Variants in ERC2 observed in about 807,000 individuals in gnomAD.
ERC2 encodes the protein ELKS/RAB6-interacting/CAST family member 2.
A neutral mutation model predicts 114.8 loss-of-function variants in ERC2; 42 were observed. The ratio of observed to expected loss-of-function variants is 0.37; its 90% CI spans 0.29 to 0.47. ERC2 has a LOEUF of 0.47. ERC2 is among the 20% of genes least tolerant of loss of function. The pLI, the probability that ERC2 is intolerant of heterozygous loss-of-function variation, is 0.99. For synonymous variants in ERC2, 454 were observed against 425.5 expected (o/e 1.07, Z -0.82); for missense variants, 939 against 1,150.7 (o/e 0.82, Z 2.66).
chr3:55,930,992 T>C (rs2149402387), intron 13 of ERC2, among the ~76,000 whole-genome samples: 1 of 152,228 alleles, frequency 6.6e-6, no homozygotes. Flanking sequence ...CCAACAAGAA[T>C]ATTAAAAAAG....
intron 17 of ERC2, among the ~76,000 whole-genome samples, chr3:55,533,579 C>A (rs184964823): frequency 1.3e-5 from 2 of 152,290 alleles, no homozygotes; most frequent in African/African-American, 4.8e-5. Context: ...TAGAAGACTG[C>A]CAAGAAGAGA....
intron 14 of ERC2, among the ~76,000 whole-genome samples, chr3:55,850,833 T>C (rs973506123): frequency 7.2e-6 from 1 of 138,266 alleles, no homozygotes; most frequent in Non-Finnish European, 1.5e-5. Flanking sequence ...TGTTTCTAGA[T>C]ACTCTTTTTC....
Position 55,952,160 on chromosome 3 carries a change from C to CACACAG in ERC2, c.2268-1601_2268-1600insCTGTGT, listed in dbSNP as rs2067573531. Among the ~76,000 whole-genome samples the CACACAG allele has an allele frequency of 2.8e-5, 2 of 72,664 alleles. 1 individual carries two copies. Among genetic ancestry groups the CACACAG allele is most frequent in the Non-Finnish European group, 6.5e-5 (2 of 30,742 alleles). 47.7% of individuals were successfully genotyped at this position (72,664 alleles called of 152,430 possible). On this transcript the variant is annotated intron_variant, in intron 12 of 17. Transcript: ENST00000288221. Reference sequence around the variant, plus strand: ...AAACACACACACACACACACACACACACACACACACACACACACACTCTCT... The same window carrying CACACAG: ...AAACACACACACACACACACACACACACACAGACACACACACACACACACACTCTCT...
chr3:55,934,822 A>C (rs1051993119), intron 13 of ERC2, among the ~76,000 whole-genome samples: 1 of 152,248 alleles, frequency 6.6e-6, no homozygotes, highest in Non-Finnish European at 1.5e-5. Context: ...GCAGTATAGA[A>C]GGAGCCATTT....
chr3:55,515,144 A>G (rs2052398095), intron 17 of ERC2, among the ~76,000 whole-genome samples: 1 of 152,206 alleles, frequency 6.6e-6, no homozygotes, highest in African/African-American at 2.4e-5. Context: ...TTATTAAGTG[A>G]CTGATGACAA....
intron 2 of ERC2, among the ~76,000 whole-genome samples, chr3:56,314,564 A>G (rs2056776180): frequency 6.6e-6 from 1 of 152,202 alleles, no homozygotes; most frequent in Admixed American, 6.5e-5. Context: ...AAATCTTTCA[A>G]CCAGAGAAAC....
chr3:55,643,414 T>C (rs1314183902), intron 17 of ERC2, among the ~76,000 whole-genome samples: 3 of 152,220 alleles, frequency 2.0e-5, no homozygotes, highest in African/African-American at 7.2e-5. Context: ...GAGTTTCTAA[T>C]GCCTCCTCTA....
chr3:56,339,996 A>C (rs1467106255), intron 2 of ERC2, among the ~76,000 whole-genome samples: 1 of 152,152 alleles, frequency 6.6e-6, no homozygotes, highest in Non-Finnish European at 1.5e-5. Flanking sequence ...CAAAATCACA[A>C]CCCCAAGATA....
chr3:56,087,329 A>G (rs1409880418), intron 6 of ERC2, among the ~76,000 whole-genome samples: 9 of 152,134 alleles, frequency 5.9e-5, no homozygotes, highest in Non-Finnish European at 8.8e-5. Context: ...AACCATGGCA[A>G]TGAAATTGGC....
intron 1 of ERC2, among the ~76,000 whole-genome samples, chr3:56,464,600 T>C (rs2063459064): frequency 6.6e-6 from 1 of 152,240 alleles, no homozygotes; most frequent in African/African-American, 2.4e-5. Flanking sequence ...ATTTTGTTCC[T>C]TTTCTTCACA....
intron 16 of ERC2, among the ~76,000 whole-genome samples, chr3:55,694,201 A>C (rs189766100): frequency 8.0e-4 from 122 of 152,326 alleles, no homozygotes; most frequent in Non-Finnish European, 1.4e-3. Flanking sequence ...TCAGAGACTC[A>C]GGATTTCATC....
At chr3:56,411,152 C>T (rs1427256200) in intron 2 of ERC2, among the ~76,000 whole-genome samples, 2 of 150,270 alleles carry the variant, frequency 1.3e-5, no homozygotes, top group Admixed American at 1.3e-4. Context: ...GAGTTTTTAC[C>T]TTCTTATTAA....
chr3:55,953,401 A>G (rs1225761248), intron 12 of ERC2, among the ~76,000 whole-genome samples: 2 of 152,356 alleles, frequency 1.3e-5, no homozygotes, highest in East Asian at 3.9e-4. Flanking sequence ...AAGGTGGATG[A>G]GAATGATCAT....
intron 12 of ERC2, among the ~76,000 whole-genome samples, chr3:55,985,238 T>C (rs184269731): frequency 6.6e-6 from 1 of 152,284 alleles, no homozygotes; most frequent in Admixed American, 6.5e-5. Context: ...GCCTCCTACA[T>C]TGGAGGAATC....
chr3:55,646,243 C>T (rs2060393105), intron 17 of ERC2, among the ~76,000 whole-genome samples: 1 of 152,208 alleles, frequency 6.6e-6, no homozygotes, highest in Admixed American at 6.5e-5. Flanking sequence ...TTAATCCAAC[C>T]TGTTCACGCA....
intron 17 of ERC2, among the ~76,000 whole-genome samples, chr3:55,616,600 A>G (rs1204735143): frequency 1.3e-5 from 2 of 151,182 alleles, no homozygotes; most frequent in Admixed American, 1.3e-4. Flanking sequence ...AATAAAGCAC[A>G]TTTTAATCGT....
intron 11 of ERC2, among the ~76,000 whole-genome samples, chr3:55,989,337 T>C (rs1340490183): frequency 6.6e-6 from 1 of 152,274 alleles, no homozygotes; most frequent in Non-Finnish European, 1.5e-5. Flanking sequence ...CTAAGACCTG[T>C]TTGTCCAATT....
intron 4 of ERC2, among the ~76,000 whole-genome samples, chr3:56,157,225 A>G (rs1168374670): frequency 6.6e-6 from 1 of 152,128 alleles, no homozygotes; most frequent in Non-Finnish European, 1.5e-5. Context: ...GGCTTCAGAG[A>G]ATGTATGCTA....
At chr3:55,739,606 GT>G (rs931780575) in intron 14 of ERC2, among the ~76,000 whole-genome samples, 10 of 151,402 alleles carry the variant, frequency 6.6e-5, no homozygotes, top group Non-Finnish European at 8.8e-5. Context: ...TTGTGGGGTT[GT>G]TTTTTTTCTT....
Sources: allele counts gnomAD v4.1 joint callset (sites outside exome capture counted in the v4.1 genomes callset), GRCh38; gene constraint gnomAD v4.1.1; transcripts MANE v1.5; gene names NCBI Gene and HGNC (gene_info 2026-07-23, HGNC 2026-07-21).